The following NOL10 variants were observed in gnomAD, a reference collection of about 807,000 sequenced individuals.
The protein encoded by NOL10 is H_NH0074G24.1.
In NOL10, 58 loss-of-function variants were observed where a neutral mutation model predicts 103.5. The ratio of observed to expected loss-of-function variants is 0.56; its 90% CI spans 0.45 to 0.70. The LOEUF is 0.70. NOL10 is among the 30% of genes least tolerant of loss of function. The pLI, the probability that NOL10 is intolerant of heterozygous loss-of-function variation, is 0.00. For synonymous variants in NOL10, 287 were observed against 282.5 expected (o/e 1.02, Z -0.16); for missense variants, 763 against 807.3 (o/e 0.95, Z 0.67).
intron 12 of NOL10, among the ~76,000 whole-genome samples, chr2:10,650,827 C>T (rs1679410262): frequency 6.6e-6 from 1 of 152,152 alleles, no homozygotes; most frequent in Non-Finnish European, 1.5e-5. Context: ...GTTGAATTAT[C>T]AGCACCCTCT....
At chr2:10,605,659 A>T (rs1456252648) in intron 14 of NOL10, among the ~76,000 whole-genome samples, 1 of 152,194 alleles carries the variant, frequency 6.6e-6, no homozygotes, top group Admixed American at 6.5e-5. Context: ...TAAACATAGT[A>T]GTTTTTAAAA....
intron 8 of NOL10, among the ~76,000 whole-genome samples, chr2:10,664,941 G>A (rs1558337216): frequency 6.6e-6 from 1 of 152,188 alleles, no homozygotes; most frequent in Non-Finnish European, 1.5e-5. Context: ...AGGACAGGGT[G>A]GAAGGGAATT....
At chr2:10,662,885 T>C in intron 9 of NOL10, 74 bp downstream of exon 9, 1 of 1,115,554 alleles carries the variant, frequency 9.0e-7, no homozygotes, top group East Asian at 2.6e-5. Flanking sequence ...AGCAATTTAT[T>C]TGAATTTAAT....
At chr2:10,594,302 T>C (rs142168791) in intron 17 of NOL10, among the ~76,000 whole-genome samples, 57 of 152,322 alleles carry the variant, frequency 3.7e-4, no homozygotes, top group African/African-American at 1.3e-3. Flanking sequence ...TCTGAAAATA[T>C]CTACCATACC....
chr2:10,635,258 A>G (rs890706632), intron 13 of NOL10, among the ~76,000 whole-genome samples: 1 of 152,198 alleles, frequency 6.6e-6, no homozygotes, highest in Non-Finnish European at 1.5e-5. Flanking sequence ...TTGGCACTCA[A>G]AAGAGTTTTA....
intron 13 of NOL10, among the ~76,000 whole-genome samples, chr2:10,643,778 G>A (rs1313382972): frequency 6.6e-6 from 1 of 152,164 alleles, no homozygotes; most frequent in Admixed American, 6.5e-5. Flanking sequence ...ATGTAAATCA[G>A]AAGAATAAAT....
At chr2:10,687,233 CT>C (rs1207379320) in intron 1 of NOL10, among the ~76,000 whole-genome samples, 1 of 152,156 alleles carries the variant, frequency 6.6e-6, no homozygotes, top group Non-Finnish European at 1.5e-5. Context: ...TCAAGCTACC[CT>C]CCCCACCACT....
At chr2:10,597,225 C>A (rs1675739386) in intron 17 of NOL10, among the ~76,000 whole-genome samples, 3 of 152,068 alleles carry the variant, frequency 2.0e-5, no homozygotes, top group Admixed American at 2.0e-4. Flanking sequence ...TGGGCCACTT[C>A]CCATTTTAGG....
intron 19 of NOL10, among the ~76,000 whole-genome samples, chr2:10,583,763 C>T (rs773801634): frequency 1.8e-4 from 28 of 152,206 alleles, no homozygotes; most frequent in Non-Finnish European, 4.0e-4. Flanking sequence ...GCCCTTCTAA[C>T]TGGGATGATT....
intron 14 of NOL10, among the ~76,000 whole-genome samples, chr2:10,606,721 T>G (rs1399004831): frequency 2.6e-5 from 4 of 152,188 alleles, no homozygotes; most frequent in Admixed American, 6.5e-5. Flanking sequence ...AAAGTAACTA[T>G]TAAGGTTCTT....
chr2:10,668,395 C>T (rs999058429), intron 7 of NOL10, among the ~76,000 whole-genome samples: 2 of 150,172 alleles, frequency 1.3e-5, no homozygotes, highest in African/African-American at 5.0e-5. Context: ...ATTTAAAGAA[C>T]ACTACAAGTA....
chr2:10,689,719 C>G (rs2148380328), intron 1 of NOL10, 77 bp downstream of exon 1: 4 of 1,410,326 alleles, frequency 2.8e-6, no homozygotes, highest in Non-Finnish European at 3.9e-6. Context: ...AGGCTAGGGC[C>G]GAGGAGAGGG....
intron 12 of NOL10, among the ~76,000 whole-genome samples, chr2:10,647,902 G>C (rs1200326824): frequency 1.3e-5 from 2 of 152,194 alleles, no homozygotes; most frequent in African/African-American, 2.4e-5. Flanking sequence ...AGCCTGAATT[G>C]GATCTTTCTT....
chr2:10,681,827 T>A (rs1681781892), intron 3 of NOL10, 144 bp downstream of exon 3: 1 of 388,208 alleles, frequency 2.6e-6, no homozygotes, highest in Admixed American at 4.5e-5. Context: ...GTTAAATGGG[T>A]GTTTACTATA....
At chr2:10,666,705 A>T (rs964331962) in intron 8 of NOL10, among the ~76,000 whole-genome samples, 27 of 124 alleles carry the variant, frequency 0.22, no homozygotes, top group South Asian at 0.5. Context: ...GTTATGTCTA[A>T]AAAAAAAAAA....
intron 8 of NOL10, among the ~76,000 whole-genome samples, chr2:10,665,755 A>C (rs1312816688): frequency 6.6e-6 from 1 of 152,256 alleles, no homozygotes; most frequent in Non-Finnish European, 1.5e-5. Flanking sequence ...GGTAATCTCA[A>C]GTAACCTGAC....
intron 17 of NOL10, among the ~76,000 whole-genome samples, chr2:10,600,288 T>A (rs936724145): frequency 6.6e-6 from 1 of 152,214 alleles, no homozygotes; most frequent in Non-Finnish European, 1.5e-5. Context: ...TTATGACTGA[T>A]CTTTGTCTAT....
chr2:10,675,580 C>T (rs1681250188), intron 4 of NOL10, among the ~76,000 whole-genome samples: 2 of 152,098 alleles, frequency 1.3e-5, no homozygotes, highest in Non-Finnish European at 2.9e-5. Context: ...CTGGTCAACA[C>T]CCTGACCTCC....
At chr2:10,603,226 G>T (rs1676081166) in intron 14 of NOL10, 69 bp from the exon 15 acceptor site, 3 of 1,159,156 alleles carry the variant, frequency 2.6e-6, no homozygotes, top group Admixed American at 2.3e-5. Flanking sequence ...AGTTTTTCTT[G>T]GGCAACAATT....
Sources: gnomAD v4.1 joint callset for allele counts (sites outside exome capture counted in the v4.1 genomes callset) on GRCh38, gnomAD v4.1.1 for gene constraint, MANE v1.5 for transcripts, NCBI Gene and HGNC (gene_info 2026-07-23, HGNC 2026-07-21) for gene names.